Variants in GALNTL6 observed in about 807,000 individuals in gnomAD.
GALNTL6 encodes the protein polypeptide N-acetylgalactosaminyltransferase like 6.
In GALNTL6, 46 loss-of-function variants were observed where a neutral mutation model predicts 73.7. That is an observed-to-expected ratio of 0.62 (90% CI 0.49 to 0.80). The LOEUF (loss-of-function observed/expected upper bound fraction) is 0.80. GALNTL6 is among the 30% of genes least tolerant of loss of function. The probability of loss-of-function intolerance (pLI) is 0.00; values close to 1 mark genes in which losing one functional copy is unlikely to be tolerated. For missense variants in GALNTL6, 604 were observed against 755.0 expected, an observed-to-expected ratio of 0.80 and a Z score of 2.34; for synonymous variants, 259 against 263.7, an observed-to-expected ratio of 0.98 and a Z score of 0.17.
At chr4:172,388,377 C>G (rs1743547538) in intron 5 of GALNTL6, among the ~76,000 whole-genome samples, 1 of 152,120 alleles carries the variant, frequency 6.6e-6, no homozygotes, top group Non-Finnish European at 1.5e-5. Flanking sequence ...GTTGACACTT[C>G]AAAGTTGCTA....
At chr4:172,027,835 A>G (rs548511483) in intron 2 of GALNTL6, among the ~76,000 whole-genome samples, 1 of 152,302 alleles carries the variant, frequency 6.6e-6, no homozygotes, top group South Asian at 2.1e-4. Flanking sequence ...GCTAATATGA[A>G]GAAAGTTTTA....
intron 3 of GALNTL6, among the ~76,000 whole-genome samples, chr4:172,236,641 AC>A (rs1230857502): frequency 6.6e-6 from 1 of 151,798 alleles, no homozygotes; most frequent in African/African-American, 2.4e-5. Flanking sequence ...TAATGTTGTT[AC>A]ATTACATTTC....
chr4:172,492,128 A>G (rs377555767), intron 5 of GALNTL6, among the ~76,000 whole-genome samples: 2 of 152,202 alleles, frequency 1.3e-5, no homozygotes, highest in Non-Finnish European at 2.9e-5. Context: ...GGTTAGGTTA[A>G]GAAAAAATTG....
intron 5 of GALNTL6, among the ~76,000 whole-genome samples, chr4:172,496,951 G>A (rs1448577247): frequency 6.6e-6 from 1 of 152,098 alleles, no homozygotes; most frequent in African/African-American, 2.4e-5. Context: ...AATTCTCAAA[G>A]CATGTTCAGT....
intron 2 of GALNTL6, among the ~76,000 whole-genome samples, chr4:172,195,674 G>A (rs1735740084): frequency 6.6e-6 from 1 of 152,168 alleles, no homozygotes; most frequent in South Asian, 2.1e-4. Context: ...TGAGCAACCT[G>A]CTCCTGAATG....
At chr4:172,706,669 C>T (rs1298525725) in intron 5 of GALNTL6, among the ~76,000 whole-genome samples, 1 of 152,110 alleles carries the variant, frequency 6.6e-6, no homozygotes, top group Non-Finnish European at 1.5e-5. Context: ...AGGTGGTTTC[C>T]TAAGCCCAGA....
At chr4:172,166,037 C>A (rs984711604) in intron 2 of GALNTL6, among the ~76,000 whole-genome samples, 1 of 152,106 alleles carries the variant, frequency 6.6e-6, no homozygotes. Flanking sequence ...AATAAACAGT[C>A]TCATGTCATC....
chr4:172,833,807 A>G (rs181624541), intron 7 of GALNTL6, among the ~76,000 whole-genome samples: 1 of 152,352 alleles, frequency 6.6e-6, no homozygotes, highest in African/African-American at 2.4e-5. Flanking sequence ...GAGATGCTAA[A>G]TACTCAAGAC....
intron 2 of GALNTL6, among the ~76,000 whole-genome samples, chr4:171,958,024 T>C (rs1212485731): frequency 6.6e-6 from 1 of 152,192 alleles, no homozygotes; most frequent in Non-Finnish European, 1.5e-5. Flanking sequence ...AAAGCACCTT[T>C]GTGTAAGTAA....
chr4:172,735,405 C>A (rs2111401586), intron 5 of GALNTL6, among the ~76,000 whole-genome samples: 1 of 152,322 alleles, frequency 6.6e-6, no homozygotes, highest in South Asian at 2.1e-4. Context: ...ACCAATTTCT[C>A]TCATTTGGAA....
At chr4:172,730,856 G>A (rs912693204) in intron 5 of GALNTL6, among the ~76,000 whole-genome samples, 38 of 152,130 alleles carry the variant, frequency 2.5e-4, no homozygotes, top group Middle Eastern at 3.4e-3. Context: ...CGAGGCGGGC[G>A]GATCACGAGG....
intron 5 of GALNTL6, among the ~76,000 whole-genome samples, chr4:172,429,776 A>T (rs1731371158): frequency 6.6e-6 from 1 of 152,178 alleles, no homozygotes; most frequent in Non-Finnish European, 1.5e-5. Context: ...TACATTTGTA[A>T]AAGTTTGGGA....
chr4:171,960,023 TACTC>T (rs1255811328), intron 2 of GALNTL6, among the ~76,000 whole-genome samples: 1 of 152,222 alleles, frequency 6.6e-6, no homozygotes, highest in Non-Finnish European at 1.5e-5. Context: ...AATCACTTCT[TACTC>T]TACTCATTAT....
At chr4:172,563,303 A>G (rs749991267) in intron 5 of GALNTL6, among the ~76,000 whole-genome samples, 1 of 152,162 alleles carries the variant, frequency 6.6e-6, no homozygotes, top group Non-Finnish European at 1.5e-5. Flanking sequence ...CTAGGAAACA[A>G]TAATCCCTGT....
At chr4:171,907,714 C>T (rs575016149) in intron 2 of GALNTL6, among the ~76,000 whole-genome samples, 13 of 150,152 alleles carry the variant, frequency 8.7e-5, no homozygotes, top group African/African-American at 3.3e-4. Flanking sequence ...AGAACAAAGC[C>T]AGAGGCATCA....
In GALNTL6 at chr4:172,051,509, T is replaced by C. The variant is rs147203552; in HGVS notation, c.139-178147T>C. Reference sequence around the variant, plus strand: ...GAATGGGGATGGGGTGGGAAGGTGATCTTCCCCTGCAGTTTGGCCACCCAG... The same window carrying C: ...GAATGGGGATGGGGTGGGAAGGTGACCTTCCCCTGCAGTTTGGCCACCCAG... On this transcript the variant is annotated intron_variant, in intron 2 of 12. Coordinates refer to ENST00000506823, the MANE Select transcript of GALNTL6 (RefSeq NM_001034845.3). Among the ~76,000 whole-genome samples, 110 of 152,158 alleles carry C rather than the reference T, an allele frequency of 7.2e-4. 2 individuals are homozygous for C. In the East Asian group the frequency reaches 0.02, roughly 28 times the overall value.
intron 2 of GALNTL6, among the ~76,000 whole-genome samples, chr4:172,198,548 C>T (rs1414894359): frequency 2.6e-5 from 4 of 151,986 alleles, no homozygotes; most frequent in African/African-American, 4.8e-5. Flanking sequence ...CAAATCAAAA[C>T]CAAAATGAGA....
chr4:172,789,069 G>A (rs1351409573), intron 5 of GALNTL6, among the ~76,000 whole-genome samples: 1 of 152,100 alleles, frequency 6.6e-6, no homozygotes, highest in South Asian at 2.1e-4. Context: ...AGTGGTAGAC[G>A]CCAGCTAGAT....
chr4:172,593,109 G>A (rs547031611), intron 5 of GALNTL6, among the ~76,000 whole-genome samples: 3 of 152,288 alleles, frequency 2.0e-5, no homozygotes, highest in East Asian at 1.9e-4. Context: ...AAAAAACAGA[G>A]TAATATAAAA....
Sources: gnomAD v4.1 joint callset for allele counts (sites outside exome capture counted in the v4.1 genomes callset) on GRCh38, gnomAD v4.1.1 for gene constraint, MANE v1.5 for transcripts, NCBI Gene and HGNC (gene_info 2026-07-23, HGNC 2026-07-21) for gene names.